VAV2: variants seen among roughly 807,000 people sequenced by gnomAD.
VAV2 encodes guanine nucleotide exchange factor VAV2.
Under a neutral mutation model 132.5 loss-of-function variants are expected in VAV2, and 67 were observed. The ratio of observed to expected loss-of-function variants is 0.51; its 90% CI spans 0.42 to 0.62. The LOEUF (loss-of-function observed/expected upper bound fraction) is 0.62. Ranked by LOEUF, VAV2 falls within the 20% of genes least tolerant of loss-of-function variation. The pLI is 0.00. For missense variants in VAV2, 938 were observed against 1,153.6 expected (o/e 0.81, Z 2.71); for synonymous variants, 492 against 443.5 (o/e 1.11, Z -1.37).
chr9:133,988,883 T>C (rs888454449), intron 1 of VAV2, among the ~76,000 whole-genome samples: 1 of 149,332 alleles, frequency 6.7e-6, no homozygotes, highest in Non-Finnish European at 1.5e-5. Context: ...CTGGCCAACA[T>C]AGTGAAACGC....
chr9:133,814,667 G>A (rs1434361610), intron 4 of VAV2, among the ~76,000 whole-genome samples: 1 of 152,270 alleles, frequency 6.6e-6, no homozygotes, highest in Non-Finnish European at 1.5e-5. Context: ...TCCCGTGCAG[G>A]GATGGCAAAC....
intron 2 of VAV2, among the ~76,000 whole-genome samples, chr9:133,921,200 C>T (rs186288306): frequency 3.9e-5 from 6 of 152,344 alleles, no homozygotes; most frequent in Admixed American, 3.9e-4. Context: ...AGAGTCCCCA[C>T]CAGATGACAG....
intron 17 of VAV2, among the ~76,000 whole-genome samples, chr9:133,784,725 A>G (rs1834149416): frequency 6.6e-6 from 1 of 151,966 alleles, no homozygotes. Context: ...ATTTGTTAAA[A>G]CTCAGAAAAC....
rs769338458 is a variant in VAV2, at chr9:133,780,009, C to T, written c.1741-70G>A. On this transcript the variant is annotated intron_variant, in intron 20 of 29. Coordinates refer to ENST00000371850, the MANE Select transcript of VAV2 (RefSeq NM_001134398.2). ...TTTGACTGTGGCCCATGCATCAACG[C>T]ACCCCGCCCTCCCTGTCCCCACTAG... 5 of 1,596,932 alleles carry T rather than the reference C, an allele frequency of 3.1e-6. No homozygotes were observed. The African/African-American group carries it at 4.0e-5, about 13-fold the overall frequency.
chr9:133,783,640 C>T (rs2131598498), intron 18 of VAV2, 49 bp from the exon 19 acceptor site: 1 of 1,578,204 alleles, frequency 6.3e-7, no homozygotes, highest in Non-Finnish European at 8.7e-7. Flanking sequence ...GTCGGCTCCT[C>T]ATGCCTCTCT....
In VAV2 at chr9:133,992,313, T is replaced by A. The variant is rs537388617; in HGVS notation, c.-35A>T. On this transcript the variant is annotated 5_prime_UTR_variant, in exon 1 of 30. Transcript: ENST00000371850. This position sits in a 1 kb window ranked among gnomAD's most constrained non-coding sequence, Gnocchi z 5.5. ...GGGCCCGACCGGCTCAGGGCAGTGC[T>A]CGAGCCAAAGTGCAGCGGCCGCGGG... The A allele has an allele frequency of 1.7e-5, 22 of 1,322,822 alleles. No individual in the cohort carries two copies. In the South Asian group the frequency reaches 3.9e-4, roughly 24 times the overall value. 81.9% of individuals were successfully genotyped at this position (1,322,822 alleles called of 1,614,324 possible).
chr9:133,900,041 T>A (rs116934946), intron 2 of VAV2, among the ~76,000 whole-genome samples: 13,891 of 129,212 alleles, frequency 0.11, 1,346 homozygotes, highest in Non-Finnish European at 0.15. Context: ...AATAAATAAA[T>A]AAATAAAAAT....
In VAV2 at chr9:133,769,380, A is replaced by C; in HGVS notation, c.2434+37T>G. On this transcript the variant is annotated intron_variant, in intron 28 of 29. Coordinates refer to ENST00000371850, the MANE Select transcript of VAV2 (RefSeq NM_001134398.2). The surrounding 1 kb of genome is among the most constrained non-coding windows in gnomAD (Gnocchi z 8.1). ...CTGGGTCTCCCAAGGCAGCTGCCACAGGCCCGGTCCCCCCACGCCCTGGGG... is the reference window on the plus strand; with the variant it reads ...CTGGGTCTCCCAAGGCAGCTGCCACCGGCCCGGTCCCCCCACGCCCTGGGG... The C allele has an allele frequency of 6.3e-7, 1 of 1,580,576 alleles. No homozygotes were observed. Among genetic ancestry groups the C allele is most frequent in the Non-Finnish European group, 8.6e-7 (1 of 1,163,188 alleles).
At chr9:133,878,068 G>A (rs1429681727) in intron 2 of VAV2, among the ~76,000 whole-genome samples, 2 of 152,204 alleles carry the variant, frequency 1.3e-5, no homozygotes, top group African/African-American at 4.8e-5. Context: ...GAAGGAGGGT[G>A]TGGGGCCCAC....
In VAV2 at chr9:133,812,183, G is replaced by A. The variant is rs755564188; in HGVS notation, c.483C>T (p.Cys161=). 49 of 1,613,824 alleles carry A rather than the reference G, an allele frequency of 3.0e-5. No individual in the cohort carries two copies. The highest frequency in any genetic ancestry group is 4.4e-5 in the South Asian group (4 of 91,076). Residue 161 remains cysteine (C), a synonymous_variant, in exon 5 of 30, where the codon TGC becomes TGT. Transcript: ENST00000371850. ...EHDLGEDIYD[C]VPCEDGGDDI... is the part of the protein sequence containing the mutation. ...CGTCCCCTCCATCCTCACACGGGACGCAGTCGTAGATGTCCTCCCCCAGGT... is the reference window on the plus strand; with the variant it reads ...CGTCCCCTCCATCCTCACACGGGACACAGTCGTAGATGTCCTCCCCCAGGT...
intron 1 of VAV2, among the ~76,000 whole-genome samples, chr9:133,989,519 C>CA (rs766612017): frequency 0.02 from 1,503 of 75,544 alleles, 26 homozygotes; most frequent in African/African-American, 0.026. Flanking sequence ...GACTCTATCT[C>CA]AAAAAAAAAA....
chr9:133,840,319 G>A lies in VAV2; in HGVS notation c.381-5979C>T, dbSNP rs1428912165. On this transcript the variant is annotated intron_variant, in intron 3 of 29. Transcript: ENST00000371850. The surrounding 1 kb of genome is among the most constrained non-coding windows in gnomAD (Gnocchi z 4.5). The stretch of plus-strand genomic sequence containing the variant: ...AGGAAGCAGAGAAGCCCCAAGTGCT[G>A]AGTGCAGAGAAATCCCCAGCAGAGC... 6.6e-6 allele frequency among the ~76,000 whole-genome samples: 1 copy of A among 152,168 alleles called. No individual in the cohort carries two copies. Among genetic ancestry groups the A allele is most frequent in the Admixed American group, 6.5e-5 (1 of 15,278 alleles).
intron 1 of VAV2, among the ~76,000 whole-genome samples, chr9:133,964,597 A>G (rs1842087845): frequency 6.6e-6 from 1 of 152,168 alleles, no homozygotes. Flanking sequence ...ACCAAATCCA[A>G]CAACACAATA....
intron 2 of VAV2, among the ~76,000 whole-genome samples, chr9:133,901,852 A>G (rs1217882231): frequency 6.6e-6 from 1 of 152,238 alleles, no homozygotes; most frequent in African/African-American, 2.4e-5. Flanking sequence ...CGATGGGGTC[A>G]GTGGCAATGT....
chr9:133,911,337 A>C (rs1308340415), intron 2 of VAV2, among the ~76,000 whole-genome samples: 5 of 152,226 alleles, frequency 3.3e-5, no homozygotes, highest in African/African-American at 4.8e-5. Context: ...CTGGGCCGCC[A>C]GCCACACACA....
At chr9:133,813,769 T>C (rs1264033020) in intron 4 of VAV2, among the ~76,000 whole-genome samples, 1 of 152,218 alleles carries the variant, frequency 6.6e-6, no homozygotes, top group Admixed American at 6.5e-5. Flanking sequence ...AGAGGGCAGA[T>C]GGCCCTGGGA....
rs1836323600 is a variant in VAV2, at chr9:133,833,051, G to T, written c.449+1221C>A. On this transcript the variant is annotated intron_variant, in intron 4 of 29. Transcript: ENST00000371850. The surrounding 1 kb of genome is among the most constrained non-coding windows in gnomAD (Gnocchi z 5.6). ...GGAGCTCTGGGAGTCTGGCCAGTGGGATTTGCCAAGGACCCCGTGGCCAGC... is the reference window on the plus strand; with the variant it reads ...GGAGCTCTGGGAGTCTGGCCAGTGGTATTTGCCAAGGACCCCGTGGCCAGC... Among the ~76,000 whole-genome samples, 1 of 152,122 alleles carries T rather than the reference G, an allele frequency of 6.6e-6. No homozygotes were observed. The highest frequency in any genetic ancestry group is 2.1e-4 in the South Asian group (1 of 4,820).
intron 3 of VAV2, among the ~76,000 whole-genome samples, chr9:133,836,538 C>G (rs1836480613): frequency 6.6e-6 from 1 of 152,230 alleles, no homozygotes; most frequent in Non-Finnish European, 1.5e-5. Flanking sequence ...AAACCCCACT[C>G]ATCTCCTATA....
At chr9:133,929,573 A>T (rs751574250) in intron 2 of VAV2, among the ~76,000 whole-genome samples, 2 of 152,094 alleles carry the variant, frequency 1.3e-5, no homozygotes, top group Non-Finnish European at 2.9e-5. Flanking sequence ...GAGGAATAGA[A>T]GTGGTGAGGG....
Sources: gnomAD v4.1 joint callset for allele counts (sites outside exome capture counted in the v4.1 genomes callset) on GRCh38, gnomAD v4.1.1 for gene constraint, Gnocchi (gnomAD v3.1) non-coding constraint, MANE v1.5 for transcripts, NCBI Gene and HGNC (gene_info 2026-07-23, HGNC 2026-07-21) for gene names.